The following SMARCC1 variants were observed in gnomAD, a reference collection of about 807,000 sequenced individuals.
SMARCC1 encodes SWI/SNF complex subunit SMARCC1.
In SMARCC1, 43 loss-of-function variants were observed where a neutral mutation model predicts 147.4. That is an observed-to-expected ratio of 0.29 (90% CI 0.23 to 0.38). SMARCC1 has a LOEUF of 0.38. Among genes scored for constraint, SMARCC1 ranks in the 10% least tolerant of loss-of-function variants. The probability of loss-of-function intolerance (pLI) is 1.00; values close to 1 mark genes in which losing one functional copy is unlikely to be tolerated. For missense variants in SMARCC1, 1,119 were observed against 1,381.1 expected (o/e 0.81, Z 3.01); for synonymous variants, 495 against 484.4 (o/e 1.02, Z -0.29).
At chr3:47,714,575 T>C in intron 7 of SMARCC1, 85 bp from the exon 8 acceptor site, 1 of 717,184 alleles carries the variant, frequency 1.4e-6, no homozygotes, top group Non-Finnish European at 2.4e-6. Flanking sequence ...AGAACATGTT[T>C]TAGAAATACT....
intron 26 of SMARCC1, among the ~76,000 whole-genome samples, chr3:47,591,480 A>C (rs2108223812): frequency 6.6e-6 from 1 of 150,852 alleles, no homozygotes; most frequent in South Asian, 2.1e-4. Flanking sequence ...ATAAGGGAAA[A>C]CAAAGACAGC....
intron 24 of SMARCC1, among the ~76,000 whole-genome samples, chr3:47,626,258 TG>T (rs1437631455): frequency 2.0e-5 from 3 of 151,804 alleles, no homozygotes; most frequent in Non-Finnish European, 4.4e-5. Context: ...GTGACACTCC[TG>T]CTGCAGTCTC....
chr3:47,634,363 G>C (rs894609783), intron 24 of SMARCC1, among the ~76,000 whole-genome samples: 2 of 152,114 alleles, frequency 1.3e-5, no homozygotes, highest in African/African-American at 4.8e-5. Flanking sequence ...AGTTTGAATT[G>C]GTTCATCATA....
intron 14 of SMARCC1, among the ~76,000 whole-genome samples, chr3:47,685,725 C>T (rs1242606011): frequency 6.6e-6 from 1 of 151,996 alleles, no homozygotes; most frequent in Non-Finnish European, 1.5e-5. Flanking sequence ...GGCACGGCGG[C>T]GGGAACCTGT....
chr3:47,586,593 C>T lies in SMARCC1; in HGVS notation c.*1616G>A, dbSNP rs1427213283. The T allele has an allele frequency of 6.6e-6, 1 of 152,490 alleles. No homozygotes were observed. Among genetic ancestry groups the T allele is most frequent in the African/African-American group, 2.4e-5 (1 of 41,406 alleles). The allele number at this position is 152,490 out of a possible 1,614,324, so 9.4% of individuals were successfully genotyped here. A position where few individuals can be genotyped will look rare whatever the true frequency, so the allele number is the denominator to read the frequency against. On this transcript the variant is annotated 3_prime_UTR_variant, in exon 28 of 28. Coordinates refer to ENST00000254480, the MANE Select transcript of SMARCC1 (RefSeq NM_003074.4). ...AATTGTGGTTTTATTTTTTTGCTTT[C>T]TGATATTAAGGAAAAAAGTTCTCAA...
chr3:47,706,964 G>A (rs747341741), intron 9 of SMARCC1, among the ~76,000 whole-genome samples: 1 of 152,152 alleles, frequency 6.6e-6, no homozygotes, highest in African/African-American at 2.4e-5. Context: ...AAAATAAACA[G>A]AAGATAACTT....
At chr3:47,625,182 C>T (rs1424385270) in intron 24 of SMARCC1, among the ~76,000 whole-genome samples, 5 of 150,220 alleles carry the variant, frequency 3.3e-5, no homozygotes, top group African/African-American at 4.9e-5. Context: ...GAGTCTGGGC[C>T]GGCGCTGTGG....
intron 1 of SMARCC1, among the ~76,000 whole-genome samples, chr3:47,776,930 A>T (rs1357433869): frequency 6.6e-6 from 1 of 151,808 alleles, no homozygotes; most frequent in East Asian, 1.9e-4. Context: ...ATGCGTCACC[A>T]CATCTGGCTA....
At chr3:47,775,790 T>C (rs2034967350) in intron 1 of SMARCC1, among the ~76,000 whole-genome samples, 1 of 151,492 alleles carries the variant, frequency 6.6e-6, no homozygotes, top group South Asian at 2.1e-4. Flanking sequence ...CGAGACTCAC[T>C]CTCAAAAAAT....
chr3:47,600,876 G>A (rs1011509816), intron 26 of SMARCC1, among the ~76,000 whole-genome samples: 1 of 151,812 alleles, frequency 6.6e-6, no homozygotes, highest in African/African-American at 2.4e-5. Context: ...AAGAGATCTG[G>A]CCCACACAAA....
At chr3:47,724,166 A>T (rs2034270451) in intron 6 of SMARCC1, among the ~76,000 whole-genome samples, 1 of 152,220 alleles carries the variant, frequency 6.6e-6, no homozygotes, top group South Asian at 2.1e-4. Context: ...TGCCCAAAAT[A>T]AAGTAGGATG....
intron 24 of SMARCC1, among the ~76,000 whole-genome samples, chr3:47,631,019 C>T (rs2032881563): frequency 6.6e-6 from 1 of 152,046 alleles, no homozygotes; most frequent in African/African-American, 2.4e-5. Flanking sequence ...GAGCTGTGAT[C>T]ACATCACTGC....
chr3:47,775,497 G>A lies in SMARCC1; in HGVS notation c.196-2561C>T, dbSNP rs570914651. On this transcript the variant is annotated intron_variant, in intron 1 of 27. Transcript: ENST00000254480. Reference sequence around the variant, plus strand: ...AATAAACGGTATTCAAGGGCCAGGCGCGGTGGTGGCTCACACCTGGAATCC... The same window carrying A: ...AATAAACGGTATTCAAGGGCCAGGCACGGTGGTGGCTCACACCTGGAATCC... Among the ~76,000 whole-genome samples the A allele has an allele frequency of 2.6e-4, 39 of 149,692 alleles. 1 individual carries two copies. In the South Asian group the frequency reaches 7.2e-3, roughly 28 times the overall value.
chr3:47,674,818 A>G (rs1416934514), intron 18 of SMARCC1, among the ~76,000 whole-genome samples: 2 of 152,078 alleles, frequency 1.3e-5, no homozygotes, highest in African/African-American at 4.8e-5. Context: ...TATATATTCA[A>G]GTATCACTCC....
intron 19 of SMARCC1, among the ~76,000 whole-genome samples, chr3:47,667,063 A>C (rs551761209): frequency 1.8e-4 from 27 of 152,340 alleles, no homozygotes; most frequent in Non-Finnish European, 1.0e-4. Flanking sequence ...CACGCCTGTA[A>C]TCCCAGCACT....
chr3:47,616,310 A>T (rs1169862149), intron 25 of SMARCC1, among the ~76,000 whole-genome samples: 1 of 152,148 alleles, frequency 6.6e-6, no homozygotes, highest in African/African-American at 2.4e-5. Flanking sequence ...CCTGAACTGG[A>T]ATGCTTTTCT....
At chr3:47,742,676 G>A (rs1467914762) in intron 3 of SMARCC1, among the ~76,000 whole-genome samples, 1 of 152,132 alleles carries the variant, frequency 6.6e-6, no homozygotes, top group Non-Finnish European at 1.5e-5. Flanking sequence ...TCTACATCCT[G>A]AACTCAAGTG....
At chr3:47,683,257 A>T (rs1173933524) in intron 14 of SMARCC1, among the ~76,000 whole-genome samples, 1 of 151,866 alleles carries the variant, frequency 6.6e-6, no homozygotes, top group East Asian at 1.9e-4. Context: ...CGTGTTAGCC[A>T]GGATGGTCTC....
chr3:47,622,651 C>T (rs1057183097), intron 24 of SMARCC1, among the ~76,000 whole-genome samples: 2 of 152,110 alleles, frequency 1.3e-5, no homozygotes, highest in Non-Finnish European at 2.9e-5. Context: ...TTGCCACCTA[C>T]CACCCCATCC....
Sources: gnomAD v4.1 joint callset for allele counts (sites outside exome capture counted in the v4.1 genomes callset) on GRCh38, gnomAD v4.1.1 for gene constraint, MANE v1.5 for transcripts, NCBI Gene and HGNC (gene_info 2026-07-23, HGNC 2026-07-21) for gene names.